The following RASAL2 variants were observed in gnomAD, a reference collection of about 807,000 sequenced individuals.
RASAL2 encodes RAS protein activator like 2.
Under a neutral mutation model 128.9 loss-of-function variants are expected in RASAL2, and 58 were observed. The observed-to-expected ratio is 0.45, with a 90% CI of 0.36 to 0.56. RASAL2 has a LOEUF of 0.56. Among genes scored for constraint, RASAL2 ranks in the 20% least tolerant of loss-of-function variants. RASAL2 has a pLI of 0.00. For synonymous variants in RASAL2, 561 were observed against 580.8 expected (o/e 0.97, Z 0.49); for missense variants, 1,360 against 1,601.6 (o/e 0.85, Z 2.57).
intron 1 of RASAL2, among the ~76,000 whole-genome samples, chr1:178,096,549 A>T (rs1197577387): frequency 6.6e-6 from 1 of 151,842 alleles, no homozygotes; most frequent in Non-Finnish European, 1.5e-5. Flanking sequence ...CCTTCTGAAC[A>T]GGATATATGT....
intron 1 of RASAL2, among the ~76,000 whole-genome samples, chr1:178,101,827 G>T (rs568656484): frequency 1.3e-5 from 2 of 152,096 alleles, no homozygotes; most frequent in Non-Finnish European, 2.9e-5. Context: ...TAGGGAGATG[G>T]CCTCTCAAAG....
At chr1:178,451,509 C>G in intron 9 of RASAL2, 62 bp from the exon 10 acceptor site, 1 of 1,513,898 alleles carries the variant, frequency 6.6e-7, no homozygotes, top group Non-Finnish European at 8.9e-7. Context: ...ATCATAAGTC[C>G]TTTTATTCTA....
At chr1:178,126,640 A>G (rs1445246980) in intron 1 of RASAL2, among the ~76,000 whole-genome samples, 3 of 152,226 alleles carry the variant, frequency 2.0e-5, no homozygotes, top group African/African-American at 4.8e-5. Context: ...AATGTGGGAA[A>G]GCTCAAGAGT....
intron 3 of RASAL2, among the ~76,000 whole-genome samples, chr1:178,384,219 A>C (rs536683697): frequency 8.5e-5 from 13 of 152,334 alleles, no homozygotes; most frequent in African/African-American, 1.9e-4. Flanking sequence ...GTATATGCCA[A>C]AGAAACTGCA....
chr1:178,326,267 T>C (rs1669035895), intron 3 of RASAL2, among the ~76,000 whole-genome samples: 1 of 152,210 alleles, frequency 6.6e-6, no homozygotes, highest in Admixed American at 6.5e-5. Flanking sequence ...ATCAAAGGTA[T>C]ATGGTATCAG....
At chr1:178,387,925 A>C (rs1196505776) in intron 3 of RASAL2, among the ~76,000 whole-genome samples, 1 of 152,218 alleles carries the variant, frequency 6.6e-6, no homozygotes, top group African/African-American at 2.4e-5. Flanking sequence ...CTGAAAACTA[A>C]AATTGGATGT....
At chr1:178,467,466 C>T (rs761242881) in intron 17 of RASAL2, 45 bp downstream of exon 17, 28 of 1,529,318 alleles carry the variant, frequency 1.8e-5, no homozygotes, top group East Asian at 4.5e-5. Flanking sequence ...TTTATAGTAA[C>T]GATTATTTCC....
At chr1:178,354,431 A>G (rs1196915394) in intron 3 of RASAL2, among the ~76,000 whole-genome samples, 2 of 152,238 alleles carry the variant, frequency 1.3e-5, no homozygotes, top group Non-Finnish European at 2.9e-5. Flanking sequence ...GATGAGGACC[A>G]AGGCTGGGAT....
At chr1:178,403,146 T>G (rs961442451) in intron 4 of RASAL2, among the ~76,000 whole-genome samples, 1 of 152,144 alleles carries the variant, frequency 6.6e-6, no homozygotes, top group African/African-American at 2.4e-5. Flanking sequence ...AAAAAATCAG[T>G]ATACGCCTCA....
chr1:178,132,186 G>GTA (rs1660144415), intron 1 of RASAL2, among the ~76,000 whole-genome samples: 1 of 151,672 alleles, frequency 6.6e-6, no homozygotes, highest in African/African-American at 2.4e-5. Flanking sequence ...GACTGCAAGT[G>GTA]TATACCACTA....
intron 3 of RASAL2, among the ~76,000 whole-genome samples, chr1:178,353,706 A>G (rs1245727335): frequency 6.6e-6 from 1 of 152,250 alleles, no homozygotes; most frequent in Non-Finnish European, 1.5e-5. Flanking sequence ...CCAGTATAAC[A>G]CAACTGTAAT....
intron 3 of RASAL2, among the ~76,000 whole-genome samples, chr1:178,333,487 T>C (rs1043139702): frequency 3.3e-5 from 5 of 152,070 alleles, no homozygotes; most frequent in African/African-American, 1.2e-4. Context: ...ATTGGAACAC[T>C]AAACTTTTGG....
At chr1:178,099,504 TTCATTTATAAC>T (rs897059208) in intron 1 of RASAL2, among the ~76,000 whole-genome samples, 1 of 152,226 alleles carries the variant, frequency 6.6e-6, no homozygotes, top group African/African-American at 2.4e-5. Flanking sequence ...AGGTGATAGT[TTCATTTATAAC>T]ATCTTAGTAT....
At chr1:178,343,714 A>G (rs1006486128) in intron 3 of RASAL2, among the ~76,000 whole-genome samples, 1 of 152,172 alleles carries the variant, frequency 6.6e-6, no homozygotes, top group Non-Finnish European at 1.5e-5. Flanking sequence ...CTACAAAGAG[A>G]AAAATACTCA....
chr1:178,344,318 G>A (rs1670036148), intron 3 of RASAL2, among the ~76,000 whole-genome samples: 1 of 152,110 alleles, frequency 6.6e-6, no homozygotes, highest in Non-Finnish European at 1.5e-5. Context: ...TACCTCTTGG[G>A]CATAATTCTA....
At chr1:178,340,788 CTT>C (rs1453105004) in intron 3 of RASAL2, among the ~76,000 whole-genome samples, 2 of 152,102 alleles carry the variant, frequency 1.3e-5, no homozygotes, top group African/African-American at 2.4e-5. Flanking sequence ...CATTTTAAGA[CTT>C]TGCCTTTAGT....
intron 2 of RASAL2, among the ~76,000 whole-genome samples, chr1:178,286,090 T>C (rs185840361): frequency 3.9e-5 from 6 of 152,310 alleles, no homozygotes; most frequent in Admixed American, 3.9e-4. Flanking sequence ...TGGCTCTGTG[T>C]ATTCTCTTTT....
At chr1:178,242,465 C>T (rs1425355753) in intron 1 of RASAL2, among the ~76,000 whole-genome samples, 178 of 89,502 alleles carry the variant, frequency 2.0e-3, no homozygotes, top group East Asian at 3.6e-3. Context: ...CTCTCTCTCT[C>T]TCTCTCTCTC....
chr1:178,439,400 A>G (rs1676471432), intron 5 of RASAL2, 22 bp from the exon 6 acceptor site: 1 of 1,590,388 alleles, frequency 6.3e-7, no homozygotes, highest in Non-Finnish European at 8.6e-7. Flanking sequence ...ACACTACCTT[A>G]AATATCTTTT....
Sources: allele counts gnomAD v4.1 joint callset (sites outside exome capture counted in the v4.1 genomes callset), GRCh38; gene constraint gnomAD v4.1.1; transcripts MANE v1.5; gene names NCBI Gene and HGNC (gene_info 2026-07-23, HGNC 2026-07-21).